Variants in SHC1 observed in about 807,000 individuals in gnomAD.
SHC1 encodes SHC-transforming protein 1.
A neutral mutation model predicts 55.9 loss-of-function variants in SHC1; 30 were observed. That is an observed-to-expected ratio of 0.54 (90% CI 0.40 to 0.73). SHC1 has a LOEUF of 0.73. SHC1 is among the 30% of genes least tolerant of loss of function. The pLI, the probability that SHC1 is intolerant of heterozygous loss-of-function variation, is 0.00. For synonymous variants in SHC1, 309 were observed against 306.1 expected (o/e 1.01, Z -0.10); for missense variants, 675 against 777.1 (o/e 0.87, Z 1.56).
chr1:154,970,998 C>T (rs1044644636), upstream of SHC1, among the ~76,000 whole-genome samples: 4 of 151,674 alleles, frequency 2.6e-5, no homozygotes, highest in Non-Finnish European at 5.9e-5. This position sits in a 1 kb window ranked among gnomAD's most constrained non-coding sequence, Gnocchi z 5.5. Context: ...AAGAGTGGGA[C>T]GGAAAGGAAG....
At chr1:154,974,109 CTGAAGT>C (rs1195864491), upstream of SHC1, 3 of 153,718 alleles carry the variant, frequency 2.0e-5, no homozygotes, top group African/African-American at 7.3e-5. Flanking sequence ...GGGGAGCCCC[CTGAAGT>C]TGGGAGGTGG....
At chr1:154,974,027 G>A (rs997658954), upstream of SHC1, among the ~76,000 whole-genome samples, 1 of 152,058 alleles carries the variant, frequency 6.6e-6, no homozygotes, top group Non-Finnish European at 1.5e-5. Context: ...GTGTCGGGGG[G>A]TGGGGACTTC....
At chr1:154,964,198 C>A in intron 11 of SHC1, 1 of 563,812 alleles carries the variant, frequency 1.8e-6, no homozygotes, top group Non-Finnish European at 3.5e-6. Context: ...CTTTCTTGAC[C>A]TGGAGGAAGT....
At chr1:154,969,087 C>G (rs369182303) in intron 2 of SHC1, among the ~76,000 whole-genome samples, 3 of 152,144 alleles carry the variant, frequency 2.0e-5, no homozygotes, top group East Asian at 3.8e-4. Flanking sequence ...ATTCCCTTCC[C>G]AAAGGCAGCA....
Position 154,962,362 on chromosome 1 carries a change from C to A in SHC1, c.*1441G>T, listed in dbSNP as rs2102002569. On this transcript the variant is annotated 3_prime_UTR_variant, in exon 12 of 12. Transcript: ENST00000448116. Reference sequence around the variant, plus strand: ...GTATAAGTGAGACCCGTGGAAACATCCAAACAGCAAAAGGAGGCCAGGATG... The same window carrying A: ...GTATAAGTGAGACCCGTGGAAACATACAAACAGCAAAAGGAGGCCAGGATG... 1 of 152,914 alleles carries A rather than the reference C, an allele frequency of 6.5e-6. No homozygotes were observed. Among genetic ancestry groups the A allele is most frequent in the Middle Eastern group, 3.4e-3 (1 of 294 alleles). The allele number at this position is 152,914 out of a possible 1,614,324, so 9.5% of individuals were successfully genotyped here.
At chr1:154,966,626 C>T in intron 7 of SHC1, 109 bp from the exon 8 acceptor site, 2 of 732,878 alleles carry the variant, frequency 2.7e-6, no homozygotes, top group Non-Finnish European at 4.4e-6. Context: ...TGGATTAAGC[C>T]TGAGGCTGAG....
rs932893278 is a variant in SHC1 at position 154,963,717 on chromosome 1, G to A, written c.*86C>T. 3 of 1,471,924 alleles carry A rather than the reference G, an allele frequency of 2.0e-6. No individual in the cohort carries two copies. The highest frequency in any genetic ancestry group is 2.8e-5 in the African/African-American group (2 of 72,564). The allele number at this position is 1,471,924 out of a possible 1,614,324, so 91.2% of individuals were successfully genotyped here. A position where few individuals can be genotyped will look rare whatever the true frequency, so the allele number is the denominator to read the frequency against. ...GCTCTGACACAAGGCCAAGCCCACA[G>A]AACACTCCCAAACGAGGTCCCGAGA... On this transcript the variant is annotated 3_prime_UTR_variant, in exon 12 of 12. Transcript: ENST00000448116.
In SHC1 at chr1:154,965,761, G is replaced by C. The variant is rs375904762; in HGVS notation, c.1408C>G (p.Arg470Gly). Residue 470 changes from arginine to glycine, a missense_variant, in exon 11 of 12, where the codon CGC becomes GGC. Arg to Gly is a moderately radical substitution (Grantham distance 125, BLOSUM62 -2). Coordinates refer to ENST00000448116, the MANE Select transcript of SHC1 (RefSeq NM_001130040.2). The stretch of plus-strand genomic sequence containing the variant: ...ACCGACTGGGGAGGTGGAGGCACGC[G>C]AAGAGCATCTTCGAAGGGCTCTGGA... ...FDMKPFEDAL[R>G]VPPPPQSVSM... 1.5e-5 allele frequency: 25 copies of C among 1,613,284 alleles called. No individual in the cohort carries two copies. The highest frequency in any genetic ancestry group is 2.1e-5 in the Non-Finnish European group (25 of 1,179,424).
At chr1:154,964,081 G>A in intron 11 of SHC1, 150 bp from the exon 12 acceptor site, 1 of 832,602 alleles carries the variant, frequency 1.2e-6, no homozygotes, top group Non-Finnish European at 2.1e-6. Flanking sequence ...CCTGATCATT[G>A]AGGCTTCTCT....
chr1:154,968,119 G>A, intron 5 of SHC1, 85 bp downstream of exon 5: 1 of 1,579,484 alleles, frequency 6.3e-7, no homozygotes, highest in Non-Finnish European at 8.7e-7. Context: ...CACAATCCTA[G>A]CACCCCCACT....
intron 8 of SHC1, 24 bp from the exon 9 acceptor site, chr1:154,966,255 G>A: frequency 6.2e-7 from 1 of 1,613,168 alleles, no homozygotes; most frequent in Non-Finnish European, 8.5e-7. Flanking sequence ...AATAAGGTGA[G>A]ACCAGAAGCC....
At chr1:154,968,326 C>A in intron 4 of SHC1, 69 bp from the exon 5 acceptor site, 3 of 1,557,112 alleles carry the variant, frequency 1.9e-6, no homozygotes, top group Non-Finnish European at 2.7e-6. Flanking sequence ...GGGCCCAGAA[C>A]CCTGGTGCCC....
Position 154,963,622 on chromosome 1 carries a change from C to T in SHC1, c.*181G>A. ...TTAATGTTTGGGGAGAGGCAGGATT[C>T]TCACCCAGGCTTTTGACTCAAACCC... On this transcript the variant is annotated 3_prime_UTR_variant, in exon 12 of 12. Transcript: ENST00000448116. 1 of 600,792 alleles carries T rather than the reference C, an allele frequency of 1.7e-6. No homozygotes were observed. Among genetic ancestry groups the T allele is most frequent in the Non-Finnish European group, 2.9e-6 (1 of 343,582 alleles). 37.2% of individuals were successfully genotyped at this position (600,792 alleles called of 1,614,324 possible).
chr1:154,969,291 C>T, intron 2 of SHC1, 87 bp downstream of exon 2: 1 of 861,630 alleles, frequency 1.2e-6, no homozygotes, highest in Non-Finnish European at 1.9e-6. Context: ...CCCCCAGCAG[C>T]AGCACCCAAG....
chr1:154,973,064 A>G (rs1266357278), upstream of SHC1, among the ~76,000 whole-genome samples: 1 of 152,170 alleles, frequency 6.6e-6, no homozygotes, highest in Non-Finnish European at 1.5e-5. Flanking sequence ...ATGTCTAGGA[A>G]GGCCTAGAGC....
At chr1:154,973,511 T>TAAAAAAAAAAAA (rs56300199), upstream of SHC1, 2 of 96,308 alleles carry the variant, frequency 2.1e-5, no homozygotes, top group African/African-American at 7.7e-5. Context: ...AACTCCGTCT[T>TAAAAAAAAAAAA]AAAAAAAAAA....
In SHC1 at chr1:154,970,050, C is replaced by G; in HGVS notation, c.477G>C (p.Gly159=). ...CACTCACCCGAACCAAGTAGGAAAC[C>G]CCGGGTCCCATGACTTTGTCGTTGG... The part of the protein sequence containing the change: ...LHPNDKVMGP[G]VSYLVRYMGC... The change falls in exon 1 of 12, where the codon GGG becomes GGC. Residue 159 remains glycine (G), a synonymous_variant. Transcript: ENST00000448116. The surrounding 1 kb of genome is among the most constrained non-coding windows in gnomAD (Gnocchi z 5.5). 3 of 1,613,964 alleles carry G rather than the reference C, an allele frequency of 1.9e-6. No individual in the cohort carries two copies. Among genetic ancestry groups the G allele is most frequent in the Non-Finnish European group, 2.5e-6 (3 of 1,179,970 alleles).
At position 154,967,700 on chromosome 1, in the gene SHC1, G is replaced by C; in HGVS notation, c.954C>G (p.Asn318Lys). 4.3e-6 allele frequency: 7 copies of C among 1,613,818 alleles called. No homozygotes were observed. The highest frequency in any genetic ancestry group is 5.9e-6 in the Non-Finnish European group (7 of 1,179,888). ...FELRFKQYLR[N>K]PPKLVTPHDR... ...CATGAGGGGTGACCAGTTTGGGTGG[G>C]TTCCTGAGGTATTGTTTGAAGCGCA... Residue 318 changes from asparagine (N) to lysine (K), a missense_variant, in exon 7 of 12, where the codon AAC (asparagine) becomes AAG (lysine). By Grantham distance (94) the Asn-to-Lys change is moderately conservative (BLOSUM62 0). Around this residue, in one of 3 missense-constraint regions of SHC1, gnomAD observed 360 missense variants for 371.1 expected, o/e 0.97. Transcript: ENST00000448116.
At chr1:154,973,051 CT>C (rs1406688845), upstream of SHC1, among the ~76,000 whole-genome samples, 21 of 152,168 alleles carry the variant, frequency 1.4e-4, no homozygotes, top group Admixed American at 1.4e-3. Flanking sequence ...GTCTTATCCA[CT>C]TATGTCTAGG....
Sources: allele counts gnomAD v4.1 joint callset (sites outside exome capture counted in the v4.1 genomes callset), GRCh38; gene constraint gnomAD v4.1.1; regional missense constraint gnomAD v4.1.1; non-coding constraint Gnocchi (gnomAD v3.1); transcripts MANE v1.5; gene names NCBI Gene and HGNC (gene_info 2026-07-23, HGNC 2026-07-21).